The following KCNH5 variants were observed in gnomAD, a reference collection of about 807,000 sequenced individuals.
The protein encoded by KCNH5 is voltage-gated delayed rectifier potassium channel KCNH5.
A neutral mutation model predicts 96.1 loss-of-function variants in KCNH5; 46 were observed. That is an observed-to-expected ratio of 0.48 (90% CI 0.38 to 0.61). The LOEUF (loss-of-function observed/expected upper bound fraction) is 0.61. Among genes scored for constraint, KCNH5 ranks in the 20% least tolerant of loss-of-function variants. The pLI is 0.00. For synonymous variants in KCNH5, 439 were observed against 449.8 expected (o/e 0.98, Z 0.30); for missense variants, 907 against 1,225.8 (o/e 0.74, Z 3.88).
At chr14:62,832,791 A>G (rs910789561) in intron 8 of KCNH5, among the ~76,000 whole-genome samples, 13 of 152,156 alleles carry the variant, frequency 8.5e-5, no homozygotes, top group African/African-American at 3.1e-4. Context: ...TTTTTTGGTA[A>G]TAGCCATCCT....
At chr14:62,744,735 C>T (rs1036514703) in intron 10 of KCNH5, among the ~76,000 whole-genome samples, 5 of 152,168 alleles carry the variant, frequency 3.3e-5, no homozygotes, top group African/African-American at 7.2e-5. Context: ...TTTCACACTA[C>T]GGTCAGAAAC....
At chr14:62,851,854 C>T (rs1016643144) in intron 7 of KCNH5, among the ~76,000 whole-genome samples, 1 of 151,976 alleles carries the variant, frequency 6.6e-6, no homozygotes, top group Non-Finnish European at 1.5e-5. Context: ...CTTATTACTG[C>T]CTTCTAGTTT....
intron 7 of KCNH5, among the ~76,000 whole-genome samples, chr14:62,945,972 T>C (rs146817498): frequency 3.9e-4 from 59 of 152,104 alleles, no homozygotes; most frequent in African/African-American, 1.4e-3. Flanking sequence ...TTCACACACA[T>C]TGGAGGGATT....
rs111911154 is a variant in KCNH5, at chr14:63,035,199, A to G, written c.73+9915T>C. On this transcript the variant is annotated intron_variant, in intron 1 of 10. Coordinates refer to ENST00000322893, the MANE Select transcript of KCNH5 (RefSeq NM_139318.5). Reference sequence around the variant, plus strand: ...GTTTAAGCATCATTTTAAATCCTACAAATAAAGATTTTTGCAAATGGACTG... The same window carrying G: ...GTTTAAGCATCATTTTAAATCCTACGAATAAAGATTTTTGCAAATGGACTG... Among the ~76,000 whole-genome samples the G allele has an allele frequency of 1.9e-3, 282 of 152,304 alleles. 2 individuals carry two copies. Among genetic ancestry groups the G allele is most frequent in the African/African-American group, 6.6e-3 (273 of 41,584 alleles).
At chr14:62,750,206 C>A (rs555377604) in intron 10 of KCNH5, among the ~76,000 whole-genome samples, 1 of 152,100 alleles carries the variant, frequency 6.6e-6, no homozygotes, top group African/African-American at 2.4e-5. Flanking sequence ...GTTCACAGGC[C>A]CTAGTTACCG....
chr14:62,759,899 T>A (rs745403070), intron 10 of KCNH5, among the ~76,000 whole-genome samples: 5 of 152,166 alleles, frequency 3.3e-5, no homozygotes, highest in Non-Finnish European at 7.4e-5. Context: ...GAAGCCAGCT[T>A]CACCTGAACG....
At chr14:62,735,184 G>C (rs1885131282) in intron 10 of KCNH5, among the ~76,000 whole-genome samples, 1 of 152,130 alleles carries the variant, frequency 6.6e-6, no homozygotes, top group South Asian at 2.1e-4. Flanking sequence ...AGTGGGAGGA[G>C]GATTTTGTAG....
At chr14:63,013,317 A>T (rs1382780540) in intron 2 of KCNH5, among the ~76,000 whole-genome samples, 1 of 152,148 alleles carries the variant, frequency 6.6e-6, no homozygotes, top group Non-Finnish European at 1.5e-5. Flanking sequence ...CAAGTTGGAT[A>T]CAAAAATGAT....
chr14:62,783,717 C>T (rs1886265023), intron 9 of KCNH5, among the ~76,000 whole-genome samples: 1 of 151,844 alleles, frequency 6.6e-6, no homozygotes, highest in Admixed American at 6.6e-5. Context: ...CCCTATATGT[C>T]CAATAGCTAT....
chr14:63,021,759 T>C (rs1891431341), intron 1 of KCNH5, among the ~76,000 whole-genome samples: 1 of 152,044 alleles, frequency 6.6e-6, no homozygotes, highest in African/African-American at 2.4e-5. Flanking sequence ...TTTTCACTCA[T>C]TTCATAACAA....
chr14:62,947,656 T>A (rs1176393319), intron 7 of KCNH5, among the ~76,000 whole-genome samples: 2 of 152,028 alleles, frequency 1.3e-5, no homozygotes, highest in East Asian at 3.9e-4. Flanking sequence ...CCAGAACTTT[T>A]GCCATCAATG....
chr14:62,795,343 T>C (rs1241693629), intron 9 of KCNH5, among the ~76,000 whole-genome samples: 1 of 152,120 alleles, frequency 6.6e-6, no homozygotes, highest in Admixed American at 6.6e-5. Flanking sequence ...CATCAATGGA[T>C]TCAATGAACC....
At chr14:62,900,954 G>A (rs1260888837) in intron 7 of KCNH5, among the ~76,000 whole-genome samples, 1 of 152,070 alleles carries the variant, frequency 6.6e-6, no homozygotes, top group Non-Finnish European at 1.5e-5. Context: ...TGCTTTACAG[G>A]ATAGTATACA....
intron 10 of KCNH5, among the ~76,000 whole-genome samples, chr14:62,752,527 G>C (rs573968858): frequency 4.6e-4 from 70 of 152,094 alleles, no homozygotes; most frequent in African/African-American, 1.5e-3. Flanking sequence ...ACCACAAGCT[G>C]AATGAAGAAA....
chr14:62,929,856 G>A (rs1889546982), intron 7 of KCNH5, among the ~76,000 whole-genome samples: 1 of 151,688 alleles, frequency 6.6e-6, no homozygotes. Flanking sequence ...TATGTCCATG[G>A]GTGCTCAATG....
At chr14:62,777,663 C>G (rs113938758) in intron 10 of KCNH5, among the ~76,000 whole-genome samples, 6 of 152,252 alleles carry the variant, frequency 3.9e-5, no homozygotes, top group African/African-American at 1.4e-4. Context: ...TAACAGGAAA[C>G]AGGTTGTGAG....
chr14:62,915,422 T>A (rs951094199), intron 7 of KCNH5, among the ~76,000 whole-genome samples: 1 of 152,210 alleles, frequency 6.6e-6, no homozygotes, highest in African/African-American at 2.4e-5. Context: ...ATAATTCTTA[T>A]GGGTAGCATG....
intron 7 of KCNH5, among the ~76,000 whole-genome samples, chr14:62,931,149 T>C (rs1889573581): frequency 1.3e-5 from 2 of 152,000 alleles, no homozygotes; most frequent in African/African-American, 2.4e-5. Flanking sequence ...ACAGAGACCA[T>C]GCAGAACAGC....
chr14:62,990,135 A>T lies in KCNH5; in HGVS notation c.434-2948T>A, dbSNP rs180758942. Among the ~76,000 whole-genome samples, 189 of 152,230 alleles carry T rather than the reference A, an allele frequency of 1.2e-3. 2 individuals carry two copies. The highest frequency in any genetic ancestry group is 4.3e-3 in the African/African-American group (178 of 41,560). ...GGTTTATCCAGAAAACATTTTGAAAAAAAAAGGAGACATTTAGGAATAAAT... is the reference window on the plus strand; with the variant it reads ...GGTTTATCCAGAAAACATTTTGAAATAAAAAGGAGACATTTAGGAATAAAT... On this transcript the variant is annotated intron_variant, in intron 4 of 10. Coordinates refer to ENST00000322893, the MANE Select transcript of KCNH5 (RefSeq NM_139318.5).
Sources: gnomAD v4.1 joint callset for allele counts (sites outside exome capture counted in the v4.1 genomes callset) on GRCh38, gnomAD v4.1.1 for gene constraint, MANE v1.5 for transcripts, NCBI Gene and HGNC (gene_info 2026-07-23, HGNC 2026-07-21) for gene names.